The following RASSF3 variants were observed in gnomAD, a reference collection of about 807,000 sequenced individuals.
The protein encoded by RASSF3 is ras association domain-containing protein 3.
RASSF3 carries 19 observed loss-of-function variants against 19.9 expected under a neutral mutation model. The ratio of observed to expected loss-of-function variants is 0.96; its 90% confidence interval spans 0.67 to 1.40. The LOEUF (loss-of-function observed/expected upper bound fraction) is 1.40. Ranked by LOEUF, RASSF3 falls within the 40% of genes most tolerant of loss-of-function variation. RASSF3 has a pLI of 0.00. For missense variants in RASSF3, 306 were observed against 289.8 expected (o/e 1.06, Z -0.41); for synonymous variants, 110 against 104.2 (o/e 1.06, Z -0.34).
At chr12:64,512,415 C>A (rs959749683) in intron 1 of RASSF3, among the ~76,000 whole-genome samples, 1 of 151,968 alleles carries the variant, frequency 6.6e-6, no homozygotes, top group Non-Finnish European at 1.5e-5. Flanking sequence ...AGTTCAAGTC[C>A]AGCCTGAGCA....
intron 3 of RASSF3, among the ~76,000 whole-genome samples, chr12:64,690,214 C>T (rs1237814540): frequency 9.3e-5 from 14 of 150,188 alleles, no homozygotes; most frequent in African/African-American, 3.2e-4. Flanking sequence ...CGGAGTCTTG[C>T]TCTGTTGCCC....
At chr12:64,624,632 GA>G (rs1398018334) in intron 1 of RASSF3, among the ~76,000 whole-genome samples, 1 of 151,234 alleles carries the variant, frequency 6.6e-6, no homozygotes, top group African/African-American at 2.5e-5. Flanking sequence ...AGGATGCCTG[GA>G]AGTTCATAAG....
chr12:64,605,256 G>C lies in RASSF3; in HGVS notation c.294+63551G>C, dbSNP rs535614444. On this transcript the variant is annotated intron_variant, in intron 2 of 5. Coordinates refer to the RASSF3 transcript ENST00000637125. ...CTGCCTCAGCCTCCCAAAGTGCTGG[G>C]ATTACAGGTGTGAGCCACCACACCC... Among the ~76,000 whole-genome samples the C allele has an allele frequency of 5.3e-5, 8 of 152,182 alleles. No individual in the cohort carries two copies. The East Asian group carries it at 9.7e-4, about 18-fold the overall frequency.
At chr12:64,575,687 C>G (rs1242999901) in intron 2 of RASSF3, 1 of 151,856 alleles carries the variant, frequency 6.6e-6, no homozygotes, top group Non-Finnish European at 1.5e-5. Flanking sequence ...TTATTTGACT[C>G]TGGTGCACTT....
intron 1 of RASSF3, among the ~76,000 whole-genome samples, chr12:64,534,687 G>A (rs1204314826): frequency 6.6e-6 from 1 of 152,124 alleles, no homozygotes; most frequent in Non-Finnish European, 1.5e-5. Flanking sequence ...AGAGAATAGA[G>A]AGACAGAGAG....
chr12:64,598,644 T>G (rs1870035248), intron 2 of RASSF3, among the ~76,000 whole-genome samples: 1 of 152,226 alleles, frequency 6.6e-6, no homozygotes, highest in Admixed American at 6.5e-5. Flanking sequence ...TTACTTGTAT[T>G]TATTAAGAAG....
At chr12:64,684,037 T>TGTGTGTGTGTGTGTG (rs1873241184) in intron 1 of RASSF3, among the ~76,000 whole-genome samples, 1 of 145,996 alleles carries the variant, frequency 6.8e-6, no homozygotes, top group African/African-American at 2.5e-5. Context: ...TGTGTGTGTG[T>TGTGTGTGTGTGTGTG]TTCAAGGTAA....
chr12:64,560,226 A>G (rs538501993), intron 2 of RASSF3, among the ~76,000 whole-genome samples: 1 of 152,176 alleles, frequency 6.6e-6, no homozygotes, highest in Non-Finnish European at 1.5e-5. Flanking sequence ...ACCTTAGCTT[A>G]ACTGACTTGC....
chr12:64,620,028 G>GTGTGTGTGTGTGTGTGTA, intron 1 of RASSF3, among the ~76,000 whole-genome samples: 1 of 151,086 alleles, frequency 6.6e-6, no homozygotes, highest in Non-Finnish European at 1.5e-5. Flanking sequence ...GTGTGTGTGT[G>GTGTGTGTGTGTGTGTGTA]TGTGTGTGTA....
intron 1 of RASSF3, among the ~76,000 whole-genome samples, chr12:64,646,746 A>AT (rs5798750): frequency 1.2e-3 from 173 of 143,840 alleles, no homozygotes; most frequent in Middle Eastern, 3.6e-3. Flanking sequence ...TTCTCTCTCC[A>AT]TTTTTTTTTT....
intron 1 of RASSF3, among the ~76,000 whole-genome samples, chr12:64,675,690 C>T (rs527621085): frequency 6.6e-6 from 1 of 152,096 alleles, no homozygotes. Context: ...CTTTTCCTAC[C>T]CTGAGATAAC....
chr12:64,682,881 CTT>C (rs1008877487), intron 1 of RASSF3, among the ~76,000 whole-genome samples: 1 of 152,190 alleles, frequency 6.6e-6, no homozygotes, highest in African/African-American at 2.4e-5. Flanking sequence ...TTCTTCCTCT[CTT>C]TGTGTTGAAT....
chr12:64,668,048 T>C (rs191787691), intron 1 of RASSF3, among the ~76,000 whole-genome samples: 198 of 152,344 alleles, frequency 1.3e-3, no homozygotes, highest in Non-Finnish European at 2.0e-3. Flanking sequence ...CCAGGCCTTG[T>C]GTTCACCACA....
At chr12:64,614,133 C>CTTT (rs578071131) in intron 1 of RASSF3, among the ~76,000 whole-genome samples, 8 of 130,034 alleles carry the variant, frequency 6.2e-5, no homozygotes, top group African/African-American at 1.7e-4. Flanking sequence ...TTTACCATTT[C>CTTT]TTTTTTTTTT....
At chr12:64,580,500 G>C (rs890120051) in intron 2 of RASSF3, among the ~76,000 whole-genome samples, 10 of 151,262 alleles carry the variant, frequency 6.6e-5, no homozygotes, top group Non-Finnish European at 1.5e-4. Context: ...GGAGATCGAG[G>C]CTGCAGTGAG....
intron 2 of RASSF3, among the ~76,000 whole-genome samples, chr12:64,592,309 T>C (rs972562977): frequency 6.6e-6 from 1 of 152,228 alleles, no homozygotes; most frequent in Non-Finnish European, 1.5e-5. Flanking sequence ...TCCATATCAG[T>C]GTACTGAGAG....
chr12:64,650,662 G>A (rs149329947), intron 1 of RASSF3, among the ~76,000 whole-genome samples: 2,288 of 152,024 alleles, frequency 0.015, 41 homozygotes, highest in African/African-American at 0.045. Context: ...TGATCTGCCC[G>A]CCTTGGACTT....
rs1350977861 is a variant in RASSF3, at chr12:64,634,811, C to G, written c.111+24068C>G. On this transcript the variant is annotated intron_variant, in intron 1 of 4. Transcript: ENST00000542104. ...AAAAATTAGCAGAATTTATGTTGCT[C>G]TGATAGGGGCTCTTTTCAAACTGAT... Among the ~76,000 whole-genome samples, 3 of 146,446 alleles carry G rather than the reference C, an allele frequency of 2.0e-5. No individual in the cohort carries two copies. In the Admixed American group the frequency reaches 2.1e-4, roughly 10 times the overall value.
At chr12:64,540,284 A>G (rs578204666) in intron 1 of RASSF3, among the ~76,000 whole-genome samples, 1 of 152,348 alleles carries the variant, frequency 6.6e-6, no homozygotes, top group South Asian at 2.1e-4. Flanking sequence ...GATGAGAGAA[A>G]TCTATTTGCT....
Sources: allele counts gnomAD v4.1 joint callset (sites outside exome capture counted in the v4.1 genomes callset), GRCh38; gene constraint gnomAD v4.1.1; transcripts MANE v1.5; gene names NCBI Gene and HGNC (gene_info 2026-07-23, HGNC 2026-07-21).